TTC28: variants seen among roughly 807,000 people sequenced by gnomAD.
TTC28 encodes the protein tetratricopeptide repeat protein 28.
In TTC28, 61 loss-of-function variants were observed where a neutral mutation model predicts 198.0. The observed-to-expected ratio is 0.31, with a 90% confidence interval of 0.25 to 0.38. TTC28 has a LOEUF of 0.38. Among genes scored for constraint, TTC28 ranks in the 10% least tolerant of loss-of-function variants. The pLI, the probability that TTC28 is intolerant of heterozygous loss-of-function variation, is 1.00. For missense variants in TTC28, 2,678 were observed against 3,164.0 expected, an observed-to-expected ratio of 0.85 and a Z score of 3.69; for synonymous variants, 1,171 against 1,297.8, an observed-to-expected ratio of 0.90 and a Z score of 2.10.
intron 12 of TTC28, among the ~76,000 whole-genome samples, chr22:28,034,750 G>A (rs1939267130): frequency 6.6e-6 from 1 of 152,228 alleles, no homozygotes; most frequent in African/African-American, 2.4e-5. Flanking sequence ...TCCTGGCGAG[G>A]GCTGAGAGGG....
chr22:28,337,134 A>T (rs2045738416), intron 2 of TTC28, among the ~76,000 whole-genome samples: 1 of 152,182 alleles, frequency 6.6e-6, no homozygotes, highest in Admixed American at 6.5e-5. Context: ...TTCAGTTTCC[A>T]TGTAGTTGCG....
intron 2 of TTC28, among the ~76,000 whole-genome samples, chr22:28,521,403 T>A (rs1297751936): frequency 6.6e-6 from 1 of 151,808 alleles, no homozygotes; most frequent in Non-Finnish European, 1.5e-5. Flanking sequence ...GGAGACCCTA[T>A]CTCTTACATT....
chr22:28,276,322 T>C (rs1201325203), intron 5 of TTC28, among the ~76,000 whole-genome samples: 1 of 152,098 alleles, frequency 6.6e-6, no homozygotes, highest in Non-Finnish European at 1.5e-5. Context: ...CCACTATTTT[T>C]TATTATAGGA....
intron 5 of TTC28, among the ~76,000 whole-genome samples, chr22:28,172,155 T>A (rs993882273): frequency 6.6e-6 from 1 of 152,086 alleles, no homozygotes; most frequent in African/African-American, 2.4e-5. Flanking sequence ...TGCAGGCTCT[T>A]TGACTATGGA....
rs1461059919 is a variant in TTC28, at chr22:28,306,656, G to C, written c.382-13C>G. ...GTCGGAAGTATGCCTAGAAATAAAA[G>C]ATATATAAGATATATAATGCCTGTG... On this transcript the variant is annotated splice_polypyrimidine_tract_variant and intron_variant, in intron 2 of 22. Coordinates refer to ENST00000397906, the MANE Select transcript of TTC28 (RefSeq NM_001145418.2). 2 of 1,550,468 alleles carry C rather than the reference G, an allele frequency of 1.3e-6. No homozygotes were observed. Among genetic ancestry groups the C allele is most frequent in the Non-Finnish European group, 1.7e-6 (2 of 1,146,782 alleles).
At chr22:28,195,876 G>T (rs1925283704) in intron 5 of TTC28, among the ~76,000 whole-genome samples, 1 of 151,662 alleles carries the variant, frequency 6.6e-6, no homozygotes, top group African/African-American at 2.4e-5. Context: ...GTAATTTATA[G>T]ATTCAGTGCC....
At chr22:28,030,563 G>C (rs1183050889) in intron 12 of TTC28, among the ~76,000 whole-genome samples, 197 bp from the exon 13 acceptor site, 1 of 152,206 alleles carries the variant, frequency 6.6e-6, no homozygotes, top group East Asian at 1.9e-4. Flanking sequence ...TGCTTCTCAA[G>C]ATGAACTCTG....
chr22:28,240,697 T>C (rs1450139122), intron 5 of TTC28, among the ~76,000 whole-genome samples: 6 of 152,210 alleles, frequency 3.9e-5, no homozygotes, highest in Non-Finnish European at 7.4e-5. Context: ...ACTACAGAAA[T>C]GGCAGCTTGT....
At chr22:28,518,660 C>T (rs1721740843) in intron 2 of TTC28, among the ~76,000 whole-genome samples, 2 of 152,082 alleles carry the variant, frequency 1.3e-5, no homozygotes, top group Non-Finnish European at 2.9e-5. Context: ...TAAACACATA[C>T]AAAGAATTAG....
chr22:28,621,165 TA>T (rs1285317344), intron 2 of TTC28, among the ~76,000 whole-genome samples: 2 of 152,250 alleles, frequency 1.3e-5, no homozygotes, highest in Non-Finnish European at 2.9e-5. Flanking sequence ...CTTTTGTGTT[TA>T]TTTTTTAATT....
chr22:28,358,604 A>G (rs1277879752), intron 2 of TTC28, among the ~76,000 whole-genome samples: 2 of 152,222 alleles, frequency 1.3e-5, no homozygotes, highest in African/African-American at 4.8e-5. Context: ...TAATAGTCCC[A>G]CAAAGCACCT....
intron 2 of TTC28, among the ~76,000 whole-genome samples, chr22:28,573,258 C>T (rs1181101256): frequency 6.6e-6 from 1 of 151,822 alleles, no homozygotes; most frequent in Non-Finnish European, 1.5e-5. Flanking sequence ...AGATCAAGAC[C>T]ATCCTGGCCA....
chr22:28,639,392 C>G (rs1418408917), intron 1 of TTC28, among the ~76,000 whole-genome samples: 3 of 152,234 alleles, frequency 2.0e-5, no homozygotes, highest in African/African-American at 7.2e-5. Context: ...CCAAGCTATT[C>G]TTACGCCTAG....
intron 5 of TTC28, among the ~76,000 whole-genome samples, chr22:28,230,026 G>C (rs16986168): frequency 0.017 from 2,559 of 152,220 alleles, 92 homozygotes; most frequent in African/African-American, 0.059. Context: ...TGGGAACCTG[G>C]TATCCAGTTT....
intron 3 of TTC28, 122 bp downstream of exon 3, chr22:28,306,374 A>T: frequency 8.3e-7 from 1 of 1,206,132 alleles, no homozygotes; most frequent in Non-Finnish European, 1.1e-6. Flanking sequence ...CTTGGTCTAA[A>T]ATATCAAATC....
chr22:28,155,403 C>G (rs1943728643), intron 6 of TTC28, among the ~76,000 whole-genome samples: 1 of 152,148 alleles, frequency 6.6e-6, no homozygotes, highest in Admixed American at 6.5e-5. Context: ...CAGAGTAGAA[C>G]ATAGTTCATA....
At chr22:28,067,032 A>G (rs190116738) in intron 12 of TTC28, among the ~76,000 whole-genome samples, 12 of 152,076 alleles carry the variant, frequency 7.9e-5, no homozygotes, top group African/African-American at 2.7e-4. Flanking sequence ...AGCCCCTTCC[A>G]CCTCTGTGTG....
At chr22:28,167,679 T>TA (rs1384824179) in intron 5 of TTC28, among the ~76,000 whole-genome samples, 1 of 152,156 alleles carries the variant, frequency 6.6e-6, no homozygotes, top group Non-Finnish European at 1.5e-5. Flanking sequence ...CTCAAAATAG[T>TA]AAGAGCTATC....
rs569598727 is a variant in TTC28, at chr22:28,413,281, A to T, written c.382-106638T>A. Among the ~76,000 whole-genome samples, 95 of 151,778 alleles carry T rather than the reference A, an allele frequency of 6.3e-4. No individual in the cohort carries two copies. In the South Asian group the frequency reaches 0.01, roughly 17 times the overall value. ...AAACCCCGTCTCTACTAAAAATACA[A>T]AAAAAAATTAGCTGGGCGTGGTGGC... is the stretch of plus-strand genomic sequence containing the variant. On this transcript the variant is annotated intron_variant, in intron 2 of 22. Transcript: ENST00000397906.
Sources: gnomAD v4.1 joint callset for allele counts (sites outside exome capture counted in the v4.1 genomes callset) on GRCh38, gnomAD v4.1.1 for gene constraint, MANE v1.5 for transcripts, NCBI Gene and HGNC (gene_info 2026-07-23, HGNC 2026-07-21) for gene names.